C6orf163: variants seen among roughly 807,000 people sequenced by gnomAD.
The protein encoded by C6orf163 is uncharacterized protein C6orf163.
A neutral mutation model predicts 28.4 loss-of-function variants in C6orf163; 22 were observed. The ratio of observed to expected loss-of-function variants is 0.78; its 90% CI spans 0.55 to 1.11. The LOEUF (loss-of-function observed/expected upper bound fraction) is 1.11, where lower values mean the gene tolerates loss of function less well. Ranked by LOEUF, C6orf163 falls within the 50% of genes least tolerant of loss-of-function variation. C6orf163 has a pLI of 0.00. For missense variants in C6orf163, 342 were observed against 389.1 expected, an observed-to-expected ratio of 0.88 and a Z score of 1.02; for synonymous variants, 110 against 123.6, an observed-to-expected ratio of 0.89 and a Z score of 0.73.
intron 1 of C6orf163, chr6:87,347,825 C>T: frequency 6.1e-6 from 6 of 985,510 alleles, no homozygotes; most frequent in Non-Finnish European, 7.2e-6. Flanking sequence ...AATGTGGATC[C>T]AGATAGCTCT....
chr6:87,350,469 AT>A lies in C6orf163; in HGVS notation c.323del (p.Leu108Ter). 1 of 1,534,382 alleles carries A rather than the reference AT, an allele frequency of 6.5e-7. No homozygotes were observed. ...ANDRHKIEIQ[I>X]LKEEHQKDLQ... Reference sequence around the variant, plus strand: ...TGACAGACACAAAATTGAAATTCAGATTTTGAAAGAGGAACATCAGAAAGAT... The same window carrying A: ...TGACAGACACAAAATTGAAATTCAGATTTGAAAGAGGAACATCAGAAAGAT... On this transcript the variant is annotated frameshift_variant, in exon 3 of 5. Transcript: ENST00000388923. LOFTEE classifies it high-confidence loss of function.
At chr6:87,346,184 C>G (rs1469647321) in intron 1 of C6orf163, among the ~76,000 whole-genome samples, 1 of 152,028 alleles carries the variant, frequency 6.6e-6, no homozygotes, top group Non-Finnish European at 1.5e-5. Context: ...TTCTCTGATC[C>G]TCTCTTCCTT....
chr6:87,347,090 A>T (rs185330478), intron 1 of C6orf163, among the ~76,000 whole-genome samples: 157 of 152,262 alleles, frequency 1.0e-3, no homozygotes, highest in South Asian at 5.0e-3. Flanking sequence ...CATCACCACA[A>T]AGGAACTCCC....
At chr6:87,359,859 C>G (rs1199501250) in intron 4 of C6orf163, among the ~76,000 whole-genome samples, 1 of 152,180 alleles carries the variant, frequency 6.6e-6, no homozygotes, top group African/African-American at 2.4e-5. Flanking sequence ...AAGTGTACAG[C>G]CTCATAAAGA....
rs147739080 is a variant in C6orf163 at position 87,349,617 on chromosome 6, A to C, written c.243+711A>C. On this transcript the variant is annotated intron_variant, in intron 2 of 4. Coordinates refer to ENST00000388923, the MANE Select transcript of C6orf163 (RefSeq NM_001010868.3). ...GAGCAGAACCACAGTGCTTAGAAAA[A>C]TGTTTGTCAGTTTCTTTATAAAATA... Among the ~76,000 whole-genome samples the C allele has an allele frequency of 5.9e-3, 905 of 152,330 alleles. 5 individuals are homozygous for C. The highest frequency in any genetic ancestry group is 0.018 in the South Asian group (88 of 4,828).
chr6:87,353,784 AC>A (rs929217473), intron 3 of C6orf163, among the ~76,000 whole-genome samples: 2 of 152,210 alleles, frequency 1.3e-5, no homozygotes, highest in East Asian at 1.9e-4. Flanking sequence ...GAACCTCTTC[AC>A]CCCCACTCAG....
At chr6:87,356,194 G>T in intron 3 of C6orf163, 107 bp from the exon 4 acceptor site, 1 of 900,926 alleles carries the variant, frequency 1.1e-6, no homozygotes, top group Non-Finnish European at 1.7e-6. Flanking sequence ...GTGTTAACAG[G>T]TACACTTGCT....
chr6:87,350,254 G>A, intron 2 of C6orf163, 140 bp from the exon 3 acceptor site: 1 of 627,322 alleles, frequency 1.6e-6, no homozygotes, highest in Non-Finnish European at 2.8e-6. Flanking sequence ...GATGGGAATG[G>A]GGCAAGAAAT....
At chr6:87,351,490 T>C (rs968142185) in intron 3 of C6orf163, among the ~76,000 whole-genome samples, 2 of 152,230 alleles carry the variant, frequency 1.3e-5, no homozygotes, top group African/African-American at 2.4e-5. Flanking sequence ...CCATGAGTCC[T>C]GAAGGCTAGT....
At position 87,356,338 on chromosome 6, in the gene C6orf163, A is replaced by G; in HGVS notation, c.389A>G (p.Asn130Ser). 1 of 1,551,750 alleles carries G rather than the reference A, an allele frequency of 6.4e-7. No individual in the cohort carries two copies. The highest frequency in any genetic ancestry group is 8.7e-7 in the Non-Finnish European group (1 of 1,146,992). ...AAAACTAAGACAGAGATGTATCAAA[A>G]CATGGATGACGAAATGAAGAGAGAG... Reference protein sequence around the residue: ...TAKTKTEMYQNMDDEMKREHL... With the variant: ...TAKTKTEMYQSMDDEMKREHL... The change falls in exon 4 of 5, where the codon AAC becomes AGC. Residue 130 changes from asparagine to serine, a missense_variant. Physicochemically the swap from Asn to Ser is conservative, Grantham distance 46. Transcript: ENST00000388923.
chr6:87,362,500 T>C (rs1777595408), intron 4 of C6orf163, among the ~76,000 whole-genome samples: 1 of 152,156 alleles, frequency 6.6e-6, no homozygotes, highest in African/African-American at 2.4e-5. Flanking sequence ...AAGTATCAGC[T>C]TCAATGGGTT....
At chr6:87,359,489 G>A (rs1448494302) in intron 4 of C6orf163, among the ~76,000 whole-genome samples, 1 of 152,194 alleles carries the variant, frequency 6.6e-6, no homozygotes, top group East Asian at 1.9e-4. Flanking sequence ...CCATGTCCCA[G>A]GTGGAAAATC....
At chr6:87,347,289 A>G (rs540306953) in intron 1 of C6orf163, 2 of 553,828 alleles carry the variant, frequency 3.6e-6, no homozygotes, top group Non-Finnish European at 4.6e-6. Flanking sequence ...GTTGTTTATC[A>G]ATAGTTTGTT....
chr6:87,347,467 T>A (rs1777342860), intron 1 of C6orf163: 1 of 985,442 alleles, frequency 1.0e-6, no homozygotes, highest in Non-Finnish European at 1.2e-6. Context: ...TGGTCCATGC[T>A]TAGTCACATT....
In C6orf163 at chr6:87,348,112, G is replaced by A. The variant is rs536088137; in HGVS notation, c.149-700G>A. 9.5e-4 allele frequency: 753 copies of A among 793,062 alleles called. 2 individuals carry two copies. The highest frequency in any genetic ancestry group is 1.1e-3 in the Non-Finnish European group (720 of 654,258). 49.1% of individuals were successfully genotyped at this position (793,062 alleles called of 1,614,324 possible). On this transcript the variant is annotated intron_variant, in intron 1 of 4. Transcript: ENST00000388923. ...GGAGGTTGCAGTGAGCCGAAATGGC[G>A]ACACTGCACTGCAGGCTGGGCTACA...
intron 3 of C6orf163, among the ~76,000 whole-genome samples, chr6:87,355,786 G>A (rs937203374): frequency 2.2e-4 from 34 of 152,126 alleles, no homozygotes; most frequent in African/African-American, 7.7e-4. Flanking sequence ...GCACACTGTG[G>A]ATTTCCAAAA....
intron 1 of C6orf163, among the ~76,000 whole-genome samples, chr6:87,346,144 T>C (rs1777320235): frequency 6.6e-6 from 1 of 152,150 alleles, no homozygotes; most frequent in Non-Finnish European, 1.5e-5. Context: ...TTGAGCCTTG[T>C]AGGTATTTTC....
chr6:87,362,111 G>T (rs750222543), intron 4 of C6orf163, among the ~76,000 whole-genome samples: 1 of 152,164 alleles, frequency 6.6e-6, no homozygotes, highest in Non-Finnish European at 1.5e-5. Context: ...TCAGTTGTGT[G>T]ACATTGAACA....
intron 2 of C6orf163, 49 bp downstream of exon 2, chr6:87,348,955 A>G (rs1359205178): frequency 6.5e-7 from 1 of 1,531,236 alleles, no homozygotes; most frequent in Non-Finnish European, 8.7e-7. Context: ...CCGTTCTTTC[A>G]CATTTTGGAT....
Sources: allele counts gnomAD v4.1 joint callset (sites outside exome capture counted in the v4.1 genomes callset), GRCh38; gene constraint gnomAD v4.1.1; transcripts MANE v1.5; gene names NCBI Gene and HGNC (gene_info 2026-07-23, HGNC 2026-07-21).